The following DOK6 variants were observed in gnomAD, a reference collection of about 807,000 sequenced individuals.
DOK6 encodes the protein downstream of tyrosine kinase 6.
A neutral mutation model predicts 44.0 loss-of-function variants in DOK6; 22 were observed. The ratio of observed to expected loss-of-function variants is 0.50; its 90% confidence interval spans 0.36 to 0.71. DOK6 has a LOEUF of 0.71. DOK6 is among the 30% of genes least tolerant of loss of function. The pLI is 0.00. For missense variants in DOK6, 340 were observed against 416.4 expected, an observed-to-expected ratio of 0.82 and a Z score of 1.60; for synonymous variants, 166 against 145.5, an observed-to-expected ratio of 1.14 and a Z score of -1.01.
intron 6 of DOK6, among the ~76,000 whole-genome samples, chr18:69,745,224 G>C (rs1396202267): frequency 6.6e-6 from 1 of 152,112 alleles, no homozygotes; most frequent in Non-Finnish European, 1.5e-5. Flanking sequence ...TTGGTTCTGT[G>C]TAAGAAAAAT....
chr18:69,774,151 T>TATATATATATATATAG (rs1979989688), intron 7 of DOK6, among the ~76,000 whole-genome samples: 1 of 124,090 alleles, frequency 8.1e-6, no homozygotes, highest in East Asian at 2.2e-4. Flanking sequence ...TATATATATA[T>TATATATATATATATAG]ATATAATGTA....
At position 69,640,833 on chromosome 18, in the gene DOK6, A is replaced by G. The variant is rs541681443; in HGVS notation, c.290-36901A>G. 1.2e-4 allele frequency among the ~76,000 whole-genome samples: 19 copies of G among 152,190 alleles called. No homozygotes were observed. The South Asian group carries it at 3.9e-3, about 32-fold the overall frequency. On this transcript the variant is annotated intron_variant, in intron 3 of 7. Coordinates refer to ENST00000382713, the MANE Select transcript of DOK6 (RefSeq NM_152721.6). ...ATGAGTATTTATTGCTTAATAGTGG[A>G]CTCTTCAATGCCAGCATCCCCCAGT... is the stretch of plus-strand genomic sequence containing the variant.
At chr18:69,599,700 CT>C (rs1209551822) in intron 3 of DOK6, among the ~76,000 whole-genome samples, 2 of 152,168 alleles carry the variant, frequency 1.3e-5, no homozygotes, top group African/African-American at 4.8e-5. Flanking sequence ...CTGGATTTGG[CT>C]CCCAGGTGGT....
chr18:69,743,665 GA>G (rs922280900), intron 6 of DOK6, among the ~76,000 whole-genome samples: 8 of 150,320 alleles, frequency 5.3e-5, no homozygotes, highest in East Asian at 3.9e-4. Flanking sequence ...ACAAGAATGA[GA>G]AAAAAAAAGA....
chr18:69,469,607 T>C (rs1356078858), intron 1 of DOK6: 2 of 208,056 alleles, frequency 9.6e-6, no homozygotes, highest in Admixed American at 1.1e-4. Context: ...CCCTGCGTGC[T>C]CATCTCAGGC....
At chr18:69,458,344 A>C (rs888786954) in intron 1 of DOK6, among the ~76,000 whole-genome samples, 8 of 152,198 alleles carry the variant, frequency 5.3e-5, no homozygotes, top group African/African-American at 1.9e-4. Context: ...AAAATCCAGC[A>C]TCCTTTCATG....
chr18:69,661,120 C>T (rs1985514949), intron 3 of DOK6: 1 of 152,186 alleles, frequency 6.6e-6, no homozygotes, highest in African/African-American at 2.4e-5. Flanking sequence ...ATACCATACC[C>T]TGGATGCTTA....
Position 69,659,429 on chromosome 18 carries a change from G to A in DOK6, c.290-18305G>A, listed in dbSNP as rs113659926. Among the ~76,000 whole-genome samples the A allele has an allele frequency of 5.0e-3, 761 of 152,290 alleles. 5 individuals carry two copies. The highest frequency in any genetic ancestry group is 0.017 in the African/African-American group (720 of 41,548). ...CAAAACTAAGAAGATATCCAAATAT[G>A]ATAGGTTATGTGTTTCTGCACAATG... On this transcript the variant is annotated intron_variant, in intron 3 of 7. Coordinates refer to ENST00000382713, the MANE Select transcript of DOK6 (RefSeq NM_152721.6).
chr18:69,739,287 T>C (rs1388125279), intron 6 of DOK6, 184 bp downstream of exon 6: 7 of 715,662 alleles, frequency 9.8e-6, no homozygotes, highest in African/African-American at 1.8e-5. Context: ...AAAGAAGTTA[T>C]TGTGGCCACC....
chr18:69,616,285 C>A, intron 3 of DOK6, among the ~76,000 whole-genome samples: 1 of 152,250 alleles, frequency 6.6e-6, no homozygotes, highest in East Asian at 1.9e-4. Context: ...GTCTGCTCTG[C>A]GTCGGTGTCC....
intron 1 of DOK6, among the ~76,000 whole-genome samples, chr18:69,552,378 T>C (rs902990052): frequency 6.6e-6 from 1 of 152,018 alleles, no homozygotes; most frequent in Non-Finnish European, 1.5e-5. Flanking sequence ...CTAAATATTC[T>C]ATATTAAATT....
chr18:69,479,510 C>A (rs1482948523), intron 1 of DOK6, among the ~76,000 whole-genome samples: 1 of 152,120 alleles, frequency 6.6e-6, no homozygotes, highest in Non-Finnish European at 1.5e-5. Flanking sequence ...TTTTCCTCAG[C>A]TTTTACTTTG....
At chr18:69,591,420 C>T (rs1164098008) in intron 2 of DOK6, among the ~76,000 whole-genome samples, 14 of 151,998 alleles carry the variant, frequency 9.2e-5, no homozygotes, top group African/African-American at 2.2e-4. Flanking sequence ...GTATTTGTCA[C>T]GTATGTTCTC....
At chr18:69,565,270 C>T (rs1349737425) in intron 2 of DOK6, among the ~76,000 whole-genome samples, 1 of 152,060 alleles carries the variant, frequency 6.6e-6, no homozygotes, top group African/African-American at 2.4e-5. Flanking sequence ...TTTAATTTCT[C>T]ATTGGTCATA....
At chr18:69,754,397 T>C (rs947989586) in intron 6 of DOK6, among the ~76,000 whole-genome samples, 1 of 151,082 alleles carries the variant, frequency 6.6e-6, no homozygotes, top group Non-Finnish European at 1.5e-5. Flanking sequence ...TGAAATACTG[T>C]CTTAGTCACT....
At chr18:69,692,040 A>G (rs1986279393) in intron 4 of DOK6, among the ~76,000 whole-genome samples, 1 of 152,076 alleles carries the variant, frequency 6.6e-6, no homozygotes. Context: ...GAAGGAATTT[A>G]CCCCCTTTTC....
chr18:69,669,671 C>T (rs1599253929), intron 3 of DOK6, among the ~76,000 whole-genome samples: 2 of 151,982 alleles, frequency 1.3e-5, no homozygotes, highest in African/African-American at 4.8e-5. Context: ...CCTTCCCGCA[C>T]CCCCCCGCCG....
Position 69,683,075 on chromosome 18 carries a change from A to G in DOK6, c.409+5222A>G, listed in dbSNP as rs1986077797. ...GATCTGGGGTAAACCATATTCACTTATATACATATTCTTTATAACCAAACA... is the reference window on the plus strand; with the variant it reads ...GATCTGGGGTAAACCATATTCACTTGTATACATATTCTTTATAACCAAACA... On this transcript the variant is annotated intron_variant, in intron 4 of 7. Coordinates refer to ENST00000382713, the MANE Select transcript of DOK6 (RefSeq NM_152721.6). Among the ~76,000 whole-genome samples, 2 of 152,142 alleles carry G rather than the reference A, an allele frequency of 1.3e-5. 1 individual carries two copies. Among genetic ancestry groups the G allele is most frequent in the South Asian group, 4.1e-4 (2 of 4,834 alleles).
At chr18:69,583,913 C>G (rs890978621) in intron 2 of DOK6, among the ~76,000 whole-genome samples, 28 of 151,988 alleles carry the variant, frequency 1.8e-4, no homozygotes, top group Non-Finnish European at 2.8e-4. Context: ...TCGAGACCAT[C>G]CTGGCTAACA....
Sources: allele counts gnomAD v4.1 joint callset (sites outside exome capture counted in the v4.1 genomes callset), GRCh38; gene constraint gnomAD v4.1.1; transcripts MANE v1.5; gene names NCBI Gene and HGNC (gene_info 2026-07-23, HGNC 2026-07-21).